Variants in ANO3 observed in about 807,000 individuals in gnomAD.
ANO3 encodes anoctamin-3.
Under a neutral mutation model 144.8 loss-of-function variants are expected in ANO3, and 99 were observed. That is an observed-to-expected ratio of 0.68 (90% confidence interval 0.58 to 0.81). The LOEUF (loss-of-function observed/expected upper bound fraction) is 0.81. Among genes scored for constraint, ANO3 ranks in the 30% least tolerant of loss-of-function variants. ANO3 has a pLI of 0.00. For missense variants in ANO3, 905 were observed against 1,202.2 expected (o/e 0.75, Z 3.66); for synonymous variants, 414 against 392.6 (o/e 1.05, Z -0.64).
upstream of ANO3, among the ~76,000 whole-genome samples, chr11:26,305,459 G>A (rs903432434): frequency 6.6e-6 from 1 of 150,496 alleles, no homozygotes; most frequent in Non-Finnish European, 1.5e-5. Flanking sequence ...TTAGCATGGG[G>A]TTTTTCCACC....
intron 1 of ANO3, among the ~76,000 whole-genome samples, chr11:26,377,292 T>C (rs1856440272): frequency 1.3e-5 from 2 of 152,134 alleles, no homozygotes; most frequent in African/African-American, 4.8e-5. Context: ...TATTGAATTA[T>C]CAAATGTAAA....
At chr11:26,404,872 T>C (rs1031530296) in intron 1 of ANO3, among the ~76,000 whole-genome samples, 1 of 151,530 alleles carries the variant, frequency 6.6e-6, no homozygotes, top group Admixed American at 6.6e-5. Flanking sequence ...AAGATTACAT[T>C]ACTAAATCTT....
intron 10 of ANO3, among the ~76,000 whole-genome samples, 164 bp from the exon 11 acceptor site, chr11:26,541,783 A>G (rs1849651125): frequency 6.6e-6 from 1 of 152,178 alleles, no homozygotes; most frequent in Non-Finnish European, 1.5e-5. Context: ...AATGAAAGAT[A>G]TGTAAAGGCA....
chr11:26,474,325 T>C (rs1859883545), intron 4 of ANO3, among the ~76,000 whole-genome samples: 1 of 151,954 alleles, frequency 6.6e-6, no homozygotes, highest in South Asian at 2.1e-4. Context: ...TATCTGTGTT[T>C]ATCTTGCATG....
rs533004355 is a variant in ANO3, at chr11:26,273,707, A to T, written c.155-35938A>T. Among the ~76,000 whole-genome samples, 54 of 151,800 alleles carry T rather than the reference A, an allele frequency of 3.6e-4. 2 individuals are homozygous for T. In the South Asian group the frequency reaches 9.6e-3, roughly 27 times the overall value. ...TCGGGGGAAGGTAAAGGATTTCAAG[A>T]TGTGAATCTTGGAGAAATTCAAAAA... On this transcript the variant is annotated intron_variant, in intron 1 of 27. Transcript: ENST00000672621.
Position 26,516,686 on chromosome 11 carries a change from T to G in ANO3, c.592-141T>G, listed in dbSNP as rs997862175. The G allele has an allele frequency of 1.1e-5, 5 of 474,222 alleles. No individual in the cohort carries two copies. The Admixed American group carries it at 1.2e-4, about 11-fold the overall frequency. 29.4% of individuals were successfully genotyped at this position (474,222 alleles called of 1,614,324 possible). ...TCTTTCTTCATTAAGATTTTTTTTA[T>G]CCATATAAATTTCTTTTAAATCAGT... On this transcript the variant is annotated intron_variant, in intron 5 of 26. Transcript: ENST00000256737.
intron 10 of ANO3, among the ~76,000 whole-genome samples, chr11:26,541,627 A>G (rs1436867688): frequency 1.2e-5 from 1 of 81,694 alleles, no homozygotes; most frequent in Non-Finnish European, 2.8e-5. Context: ...ATTTCTCTCA[A>G]TGATGGTGAA....
At chr11:26,598,799 G>A (rs993301311) in intron 15 of ANO3, 59 bp from the exon 16 acceptor site, 3 of 1,549,244 alleles carry the variant, frequency 1.9e-6, no homozygotes, top group Admixed American at 2.0e-5. Context: ...TCAATTCTTG[G>A]GGGTATGTTT....
intron 1 of ANO3, among the ~76,000 whole-genome samples, chr11:26,311,936 G>C (rs1444503014): frequency 6.6e-6 from 1 of 152,140 alleles, no homozygotes; most frequent in Non-Finnish European, 1.5e-5. Flanking sequence ...TGCCACGTTG[G>C]TGTGCTGCAC....
At chr11:26,299,097 G>A (rs1478574200) in intron 1 of ANO3, among the ~76,000 whole-genome samples, 1 of 152,216 alleles carries the variant, frequency 6.6e-6, no homozygotes, top group Non-Finnish European at 1.5e-5. Context: ...CCAGGCATAA[G>A]AAATAAAGAG....
chr11:26,469,671 T>A (rs1187588229), intron 4 of ANO3, among the ~76,000 whole-genome samples: 2 of 151,930 alleles, frequency 1.3e-5, no homozygotes, highest in Admixed American at 6.6e-5. Context: ...ACTAAATATA[T>A]CAGTGTCAAA....
At chr11:26,338,852 C>T (rs763145128) in intron 1 of ANO3, among the ~76,000 whole-genome samples, 6 of 151,036 alleles carry the variant, frequency 4.0e-5, no homozygotes, top group Middle Eastern at 3.5e-3. Flanking sequence ...AACAAACTCC[C>T]GACACACCAT....
At chr11:26,475,258 A>G (rs1859917951) in intron 4 of ANO3, among the ~76,000 whole-genome samples, 1 of 151,778 alleles carries the variant, frequency 6.6e-6, no homozygotes, top group Non-Finnish European at 1.5e-5. Flanking sequence ...CTTCCCGTGG[A>G]TACATGTCTT....
chr11:26,290,758 C>G (rs1286209390), intron 1 of ANO3, among the ~76,000 whole-genome samples: 1 of 152,174 alleles, frequency 6.6e-6, no homozygotes, highest in Non-Finnish European at 1.5e-5. Context: ...AATTTGATTG[C>G]ACTATGGGCT....
intron 6 of ANO3, among the ~76,000 whole-genome samples, chr11:26,522,485 G>A (rs1291669424): frequency 6.6e-6 from 1 of 152,056 alleles, no homozygotes; most frequent in Non-Finnish European, 1.5e-5. Flanking sequence ...GTTGTAATAG[G>A]TAGATAGATG....
At chr11:26,311,008 C>T (rs992894288) in intron 1 of ANO3, among the ~76,000 whole-genome samples, 1 of 151,962 alleles carries the variant, frequency 6.6e-6, no homozygotes, top group Non-Finnish European at 1.5e-5. Flanking sequence ...ATGGCTTTCT[C>T]ATATTAAATA....
In ANO3 at chr11:26,487,727, C is replaced by A. The variant is rs78035835; in HGVS notation, c.433-20377C>A. Among the ~76,000 whole-genome samples, 11 of 152,240 alleles carry A rather than the reference C, an allele frequency of 7.2e-5. No homozygotes were observed. The East Asian group carries it at 2.1e-3, about 29-fold the overall frequency. ...ACTGGAGCAAAGGTGACTCCTGTTA[C>A]GTCACCAAAGAGACTGGTGGCATTT... On this transcript the variant is annotated intron_variant, in intron 4 of 26. Coordinates refer to ENST00000256737, the MANE Select transcript of ANO3 (RefSeq NM_031418.4).
chr11:26,369,377 C>T (rs1371533516), intron 1 of ANO3, among the ~76,000 whole-genome samples: 1 of 152,134 alleles, frequency 6.6e-6, no homozygotes, highest in Admixed American at 6.5e-5. Flanking sequence ...TCCTCCTCCT[C>T]TTTCTCACCT....
At chr11:26,268,926 T>A (rs761135543) in intron 1 of ANO3, among the ~76,000 whole-genome samples, 34 of 151,816 alleles carry the variant, frequency 2.2e-4, no homozygotes, top group Non-Finnish European at 4.3e-4. Context: ...GAAAAAAAAA[T>A]CACTCCACAT....
Sources: gnomAD v4.1 joint callset for allele counts (sites outside exome capture counted in the v4.1 genomes callset) on GRCh38, gnomAD v4.1.1 for gene constraint, MANE v1.5 for transcripts, NCBI Gene and HGNC (gene_info 2026-07-23, HGNC 2026-07-21) for gene names.